TMEM178B: variants seen among roughly 807,000 people sequenced by gnomAD.
The protein encoded by TMEM178B is transmembrane protein 178B.
Under a neutral mutation model 31.0 loss-of-function variants are expected in TMEM178B, and 5 were observed. The ratio of observed to expected loss-of-function variants is 0.16; its 90% CI spans 0.08 to 0.34. TMEM178B has a LOEUF of 0.34. TMEM178B is among the 10% of genes least tolerant of loss of function. The pLI is 1.00. For synonymous variants in TMEM178B, 164 were observed against 164.0 expected, an observed-to-expected ratio of 1.00 and a Z score of 0.00; for missense variants, 275 against 400.3, an observed-to-expected ratio of 0.69 and a Z score of 2.67.
chr7:141,339,003 C>A (rs773557225), intron 2 of TMEM178B, among the ~76,000 whole-genome samples: 1 of 151,942 alleles, frequency 6.6e-6, no homozygotes, highest in Non-Finnish European at 1.5e-5. Flanking sequence ...ACTTCCATGG[C>A]GGGTGTTGGG....
chr7:141,436,897 G>A (rs370922047), intron 2 of TMEM178B, among the ~76,000 whole-genome samples: 25 of 152,292 alleles, frequency 1.6e-4, no homozygotes, highest in African/African-American at 5.3e-4. Context: ...GGGCTGACCC[G>A]GGGGTGGAGG....
chr7:141,104,005 T>G (rs1183786021), intron 1 of TMEM178B, among the ~76,000 whole-genome samples: 2 of 152,156 alleles, frequency 1.3e-5, no homozygotes, highest in Non-Finnish European at 2.9e-5. Context: ...AAATAGAAAC[T>G]ATTTTCTTCT....
intron 1 of TMEM178B, among the ~76,000 whole-genome samples, chr7:141,100,032 G>T (rs1052887097): frequency 6.6e-6 from 1 of 152,062 alleles, no homozygotes; most frequent in Non-Finnish European, 1.5e-5. Flanking sequence ...TGTTAGCCAG[G>T]ATGGTCTCGA....
intron 1 of TMEM178B, among the ~76,000 whole-genome samples, chr7:141,086,715 T>A (rs1406941402): frequency 6.6e-6 from 1 of 152,166 alleles, no homozygotes; most frequent in African/African-American, 2.4e-5. Flanking sequence ...TTATTTATTT[T>A]TTGAGATGGA....
intron 1 of TMEM178B, among the ~76,000 whole-genome samples, chr7:141,154,383 G>A (rs934837649): frequency 6.6e-6 from 1 of 152,240 alleles, no homozygotes; most frequent in African/African-American, 2.4e-5. Flanking sequence ...GCAGGTGTGG[G>A]CCCTCATCTA....
intron 2 of TMEM178B, among the ~76,000 whole-genome samples, chr7:141,387,696 G>A (rs113109976): frequency 6.6e-5 from 10 of 152,238 alleles, no homozygotes; most frequent in African/African-American, 1.2e-4. Flanking sequence ...CCTGTCACCC[G>A]GTGGGTGGCC....
At chr7:141,215,190 T>C (rs1797111254) in intron 2 of TMEM178B, among the ~76,000 whole-genome samples, 1 of 152,136 alleles carries the variant, frequency 6.6e-6, no homozygotes, top group South Asian at 2.1e-4. Context: ...GATTAAATAT[T>C]AGCCAACTCC....
intron 2 of TMEM178B, among the ~76,000 whole-genome samples, chr7:141,311,171 C>T (rs964891578): frequency 1.3e-5 from 2 of 152,086 alleles, no homozygotes; most frequent in African/African-American, 4.8e-5. Flanking sequence ...GGGAGAGCAT[C>T]GGGATAACTA....
chr7:141,172,434 A>C (rs1796364179), intron 1 of TMEM178B, among the ~76,000 whole-genome samples: 1 of 152,212 alleles, frequency 6.6e-6, no homozygotes, highest in African/African-American at 2.4e-5. Context: ...CAGAAAGGAA[A>C]CCAAGACCAT....
At chr7:141,466,402 C>T (rs551350735) in intron 3 of TMEM178B, among the ~76,000 whole-genome samples, 1 of 152,172 alleles carries the variant, frequency 6.6e-6, no homozygotes, top group African/African-American at 2.4e-5. Context: ...CCTTCACTCC[C>T]CATTCATCAG....
intron 2 of TMEM178B, among the ~76,000 whole-genome samples, chr7:141,218,299 G>A (rs2129188937): frequency 6.6e-6 from 1 of 152,288 alleles, no homozygotes; most frequent in Admixed American, 6.5e-5. Context: ...CTGGCAGAGG[G>A]AGGGAGAAGA....
At position 141,471,775 on chromosome 7, in the gene TMEM178B, TGTGTGC is replaced by T. The variant is rs747795133; in HGVS notation, c.*995_*1000del. 9.4e-3 allele frequency: 784 copies of T among 83,418 alleles called. 1 individual carries two copies. Among genetic ancestry groups the T allele is most frequent in the Non-Finnish European group, 0.015 (585 of 38,378 alleles). 5.2% of individuals were successfully genotyped at this position (83,418 alleles called of 1,614,324 possible). A position where few individuals can be genotyped will look rare whatever the true frequency, so the allele number is the denominator to read the frequency against. On this transcript the variant is annotated 3_prime_UTR_variant, in exon 4 of 4. Coordinates refer to ENST00000565468, the MANE Select transcript of TMEM178B (RefSeq NM_001195278.2). This position sits in a 1 kb window ranked among gnomAD's most constrained non-coding sequence, Gnocchi z 4.1. Reference sequence around the variant, plus strand: ...AGCTACAGATCCCTGGAGTGGTGTGTGTGTGCGTGTGTGTGTGTGTGTGTGTGTGTG... The same window carrying T: ...AGCTACAGATCCCTGGAGTGGTGTGTGTGTGTGTGTGTGTGTGTGTGTGTG...
chr7:141,245,127 G>A (rs1797704303), intron 2 of TMEM178B, among the ~76,000 whole-genome samples: 1 of 120,376 alleles, frequency 8.3e-6, no homozygotes, highest in Non-Finnish European at 1.6e-5. Context: ...CGCACCACTG[G>A]ACTCCGAACT....
At chr7:141,508,764 C>T in the TMEM178B span, among the ~76,000 whole-genome samples, 15 of 152,280 alleles carry the variant, frequency 9.9e-5, no homozygotes, top group African/African-American at 3.4e-4. Context: ...TCATGAGAAT[C>T]GCACAGGAAA....
chr7:141,148,358 T>C (rs1312591010), intron 1 of TMEM178B, among the ~76,000 whole-genome samples: 2 of 152,178 alleles, frequency 1.3e-5, no homozygotes, highest in African/African-American at 4.8e-5. Context: ...TGAACATCTT[T>C]AGAGGAGCAT....
chr7:141,218,643 C>G (rs1797201591), intron 2 of TMEM178B, among the ~76,000 whole-genome samples: 1 of 152,014 alleles, frequency 6.6e-6, no homozygotes, highest in Non-Finnish European at 1.5e-5. Flanking sequence ...TGGCTAAGCC[C>G]AACCCGGCCC....
At chr7:141,498,887 A>G in the TMEM178B span, among the ~76,000 whole-genome samples, 4 of 152,238 alleles carry the variant, frequency 2.6e-5, no homozygotes, top group Non-Finnish European at 5.9e-5. Flanking sequence ...GGAATCATGA[A>G]AGAGATAAAT....
the TMEM178B span, among the ~76,000 whole-genome samples, chr7:141,502,758 G>A: frequency 2.3e-5 from 3 of 133,320 alleles, no homozygotes; most frequent in Admixed American, 1.6e-4. Context: ...CAACAAGAGC[G>A]AAACTCAGTC....
At chr7:141,361,626 C>T (rs1713440270) in intron 2 of TMEM178B, among the ~76,000 whole-genome samples, 2 of 152,218 alleles carry the variant, frequency 1.3e-5, no homozygotes, top group Non-Finnish European at 2.9e-5. Flanking sequence ...TTCTGCATGA[C>T]ACAGTGGTCA....
Sources: allele counts gnomAD v4.1 joint callset (sites outside exome capture counted in the v4.1 genomes callset), GRCh38; gene constraint gnomAD v4.1.1; non-coding constraint Gnocchi (gnomAD v3.1); transcripts MANE v1.5; gene names NCBI Gene and HGNC (gene_info 2026-07-23, HGNC 2026-07-21).